The following ZFP64 variants were observed in gnomAD, a reference collection of about 807,000 sequenced individuals.
ZFP64 encodes ZFP64 zinc finger protein, also known as zinc finger protein 64.
Under a neutral mutation model 51.6 loss-of-function variants are expected in ZFP64, and 14 were observed. That is an observed-to-expected ratio of 0.27 (90% CI 0.18 to 0.42). ZFP64 has a LOEUF of 0.42. Among genes scored for constraint, ZFP64 ranks in the 10% least tolerant of loss-of-function variants. The probability of loss-of-function intolerance (pLI) is 1.00; values close to 1 mark genes in which losing one functional copy is unlikely to be tolerated. For missense variants in ZFP64, 754 were observed against 906.8 expected, an observed-to-expected ratio of 0.83 and a Z score of 2.16; for synonymous variants, 375 against 361.4, an observed-to-expected ratio of 1.04 and a Z score of -0.43.
intron 5 of ZFP64, among the ~76,000 whole-genome samples, chr20:52,102,051 G>A (rs1328485620): frequency 6.9e-6 from 1 of 144,670 alleles, no homozygotes; most frequent in Non-Finnish European, 1.5e-5. Flanking sequence ...GGCAGAGGTT[G>A]CAGTGAGCCC....
rs139909659 is a variant in ZFP64, at chr20:52,164,963, T to C, written c.449-206A>G. The C allele has an allele frequency of 3.6e-3, 2,416 of 680,390 alleles. 36 individuals are homozygous for C. The African/African-American group carries it at 0.037, about 10-fold the overall frequency. The allele number at this position is 680,390 out of a possible 1,614,324, so 42.1% of individuals were successfully genotyped here. On this transcript the variant is annotated intron_variant, in intron 3 of 5. Coordinates refer to ENST00000216923, the MANE Select transcript of ZFP64 (RefSeq NM_018197.3). ...CTGCCAAAACTGCATAACCTGAATC[T>C]GATCATAAGGAAACATCAAATAAAC...
At chr20:52,167,955 T>C (rs982101050) in intron 2 of ZFP64, among the ~76,000 whole-genome samples, 2 of 152,234 alleles carry the variant, frequency 1.3e-5, no homozygotes, top group African/African-American at 4.8e-5. Context: ...TTGTAAAATG[T>C]GTCATAATTT....
intron 5 of ZFP64, among the ~76,000 whole-genome samples, chr20:52,129,297 G>C (rs1171837629): frequency 1.3e-5 from 2 of 151,098 alleles, no homozygotes; most frequent in African/African-American, 4.9e-5. Flanking sequence ...TAGAGATGGG[G>C]TTTCACCGTG....
chr20:52,180,890 A>T (rs980693867), intron 2 of ZFP64, among the ~76,000 whole-genome samples: 4 of 151,548 alleles, frequency 2.6e-5, no homozygotes, highest in African/African-American at 9.7e-5. Flanking sequence ...AGGACCCCAG[A>T]CTCTTCATTA....
rs1244920644 is a variant in ZFP64 at position 52,085,451 on chromosome 20, AC to A, written c.1229-186del. On this transcript the variant is annotated intron_variant, in intron 8 of 8. Transcript: ENST00000361387. This position sits in a 1 kb window ranked among gnomAD's most constrained non-coding sequence, Gnocchi z 4.3. ...CCTCACAACAATCCTATGAGTGGGT[AC>A]TATTACCCCCACTTTACAGATGGGA... Among the ~76,000 whole-genome samples, 3 of 152,296 alleles carry A rather than the reference AC, an allele frequency of 2.0e-5. No homozygotes were observed. The highest frequency in any genetic ancestry group is 2.0e-4 in the Admixed American group (3 of 15,298).
Position 52,191,449 on chromosome 20 carries a change from C to T in ZFP64, c.46+142G>A. On this transcript the variant is annotated intron_variant, in intron 1 of 5. Transcript: ENST00000216923. This position sits in a 1 kb window ranked among gnomAD's most constrained non-coding sequence, Gnocchi z 4.3. ...CGCCCCCTGCACAGCGCGCCCGCCG[C>T]GGTCCCCGAGACGCGGCTCCGAGCC... The T allele has an allele frequency of 9.0e-7, 1 of 1,105,098 alleles. No individual in the cohort carries two copies. The highest frequency in any genetic ancestry group is 1.2e-6 in the Non-Finnish European group (1 of 843,676). The allele number at this position is 1,105,098 out of a possible 1,614,324, so 68.5% of individuals were successfully genotyped here. A position where few individuals can be genotyped will look rare whatever the true frequency, so the allele number is the denominator to read the frequency against.
intron 5 of ZFP64, among the ~76,000 whole-genome samples, chr20:52,111,871 C>G (rs919278832): frequency 7.9e-5 from 12 of 151,886 alleles, no homozygotes. Context: ...CACCTGAGGT[C>G]AGAAGTTTGA....
chr20:52,182,049 C>T (rs565549084), intron 2 of ZFP64, among the ~76,000 whole-genome samples: 5 of 152,268 alleles, frequency 3.3e-5, no homozygotes, highest in Admixed American at 6.5e-5. Context: ...TTAATAAAAG[C>T]GATCGCTCAT....
At position 52,120,194 on chromosome 20, in the gene ZFP64, T is replaced by C. The variant is rs570179076; in HGVS notation, c.764-21607A>G. Among the ~76,000 whole-genome samples the C allele has an allele frequency of 2.6e-3, 389 of 152,276 alleles. 3 individuals are homozygous for C. Among genetic ancestry groups the C allele is most frequent in the African/African-American group, 8.6e-3 (357 of 41,570 alleles). On this transcript the variant is annotated intron_variant, in intron 5 of 8. Coordinates refer to the ZFP64 transcript ENST00000361387. Reference sequence around the variant, plus strand: ...GACACCGAATCTGCCAGTGCCTTGATCTTGGACTTTCCAGCCTCTAGAACT... The same window carrying C: ...GACACCGAATCTGCCAGTGCCTTGACCTTGGACTTTCCAGCCTCTAGAACT...
chr20:52,189,458 T>C (rs1984216524), intron 1 of ZFP64, among the ~76,000 whole-genome samples: 1 of 151,652 alleles, frequency 6.6e-6, no homozygotes, highest in Non-Finnish European at 1.5e-5. Context: ...ATTGTAAAAC[T>C]AATCCTTTTC....
At position 52,191,714 on chromosome 20, in the gene ZFP64, C is replaced by T. The variant is rs1049912782; in HGVS notation, c.-78G>A. ...TGATCTACATGGTGCAAGGACTTTT[C>T]CTTTTATTTTTCCACACCCCCCACC... On this transcript the variant is annotated 5_prime_UTR_variant, in exon 1 of 6. Transcript: ENST00000216923. This position sits in a 1 kb window ranked among gnomAD's most constrained non-coding sequence, Gnocchi z 4.3. 5 of 1,464,766 alleles carry T rather than the reference C, an allele frequency of 3.4e-6. No individual in the cohort carries two copies. In the African/African-American group the frequency reaches 5.8e-5, roughly 17 times the overall value. The allele number at this position is 1,464,766 out of a possible 1,614,324, so 90.7% of individuals were successfully genotyped here.
intron 5 of ZFP64, among the ~76,000 whole-genome samples, chr20:52,131,190 G>C (rs1266188898): frequency 6.8e-6 from 1 of 148,098 alleles, no homozygotes; most frequent in Non-Finnish European, 1.5e-5. Context: ...AAAGGGAGGA[G>C]GGAAGGAAAG....
At chr20:52,104,896 C>T (rs1026783016) in intron 5 of ZFP64, 3 of 673,188 alleles carry the variant, frequency 4.5e-6, no homozygotes, top group Admixed American at 2.1e-5. Context: ...CGTTGACTAG[C>T]TCTTGAGAGG....
chr20:52,104,418 G>A (rs2079087378), intron 5 of ZFP64, among the ~76,000 whole-genome samples: 1 of 152,200 alleles, frequency 6.6e-6, no homozygotes, highest in East Asian at 1.9e-4. Flanking sequence ...CGAGGAGGGG[G>A]TGTGGGGGCC....
intron 1 of ZFP64, among the ~76,000 whole-genome samples, chr20:52,187,412 A>AACTC (rs1984049881): frequency 6.6e-6 from 1 of 152,076 alleles, no homozygotes; most frequent in East Asian, 1.9e-4. Flanking sequence ...ACCTGAGGTC[A>AACTC]GGAGTTCGAG....
chr20:52,110,596 C>G lies in ZFP64; in HGVS notation c.764-12009G>C, dbSNP rs1239748954. 5.4e-6 allele frequency: 4 copies of G among 743,798 alleles called. No individual in the cohort carries two copies. The Admixed American group carries it at 9.5e-5, about 18-fold the overall frequency. The allele number at this position is 743,798 out of a possible 1,614,324, so 46.1% of individuals were successfully genotyped here. A position where few individuals can be genotyped will look rare whatever the true frequency, so the allele number is the denominator to read the frequency against. ...CTGCCGCTGCTTCCAGAGGGCCTAG[C>G]GGGCCTCCACGCCAGAGGCCCTGAT... is the stretch of plus-strand genomic sequence containing the variant. On this transcript the variant is annotated intron_variant, in intron 5 of 8. Transcript: ENST00000361387.
chr20:52,105,515 T>A, intron 5 of ZFP64: 1 of 383,072 alleles, frequency 2.6e-6, no homozygotes, highest in Non-Finnish European at 4.4e-6. Context: ...CCAGACCCGC[T>A]GAATCAGAAT....
chr20:52,166,170 T>C (rs896915506), intron 2 of ZFP64, 145 bp from the exon 3 acceptor site: 9 of 767,404 alleles, frequency 1.2e-5, no homozygotes, highest in Non-Finnish European at 1.4e-5. Flanking sequence ...TGTGACCCAG[T>C]TCTAGCTAAT....
chr20:52,175,663 G>A (rs1001444567), intron 2 of ZFP64, among the ~76,000 whole-genome samples: 1 of 152,090 alleles, frequency 6.6e-6, no homozygotes, highest in Non-Finnish European at 1.5e-5. Flanking sequence ...TGGCCAACAT[G>A]GTGAAACCCT....
Sources: gnomAD v4.1 joint callset for allele counts (sites outside exome capture counted in the v4.1 genomes callset) on GRCh38, gnomAD v4.1.1 for gene constraint, Gnocchi (gnomAD v3.1) non-coding constraint, MANE v1.5 for transcripts, NCBI Gene and HGNC (gene_info 2026-07-23, HGNC 2026-07-21) for gene names.